The following ADAMTSL3 variants were observed in gnomAD, a reference collection of about 807,000 sequenced individuals.
ADAMTSL3 encodes the protein ADAMTS-like protein 3.
A neutral mutation model predicts 201.7 loss-of-function variants in ADAMTSL3; 128 were observed. The ratio of observed to expected loss-of-function variants is 0.63; its 90% CI spans 0.55 to 0.73. The LOEUF is 0.73. Among genes scored for constraint, ADAMTSL3 ranks in the 30% least tolerant of loss-of-function variants. The probability of loss-of-function intolerance (pLI) is 0.00; values close to 1 mark genes in which losing one functional copy is unlikely to be tolerated. For missense variants in ADAMTSL3, 1,990 were observed against 2,119.6 expected (o/e 0.94, Z 1.20); for synonymous variants, 738 against 748.4 (o/e 0.99, Z 0.23).
intron 23 of ADAMTSL3, among the ~76,000 whole-genome samples, chr15:83,992,560 G>T (rs754088923): frequency 2.6e-5 from 4 of 152,200 alleles, no homozygotes; most frequent in Non-Finnish European, 4.4e-5. Flanking sequence ...CCCTATACCT[G>T]CAGAGGATTC....
chr15:83,663,390 G>A (rs901506406), intron 2 of ADAMTSL3, among the ~76,000 whole-genome samples: 1 of 152,166 alleles, frequency 6.6e-6, no homozygotes, highest in Non-Finnish European at 1.5e-5. Flanking sequence ...AATGGCATAA[G>A]TGGCATTATG....
At chr15:83,666,984 A>G (rs560766304) in intron 2 of ADAMTSL3, among the ~76,000 whole-genome samples, 33 of 152,168 alleles carry the variant, frequency 2.2e-4, no homozygotes, top group African/African-American at 6.7e-4. Context: ...TGTTGCAAAT[A>G]ATTTTCCCAT....
At chr15:83,746,533 C>G (rs2062550623) in intron 3 of ADAMTSL3, among the ~76,000 whole-genome samples, 2 of 152,062 alleles carry the variant, frequency 1.3e-5, no homozygotes, top group Admixed American at 1.3e-4. Flanking sequence ...ATCACCAGCT[C>G]TTGAATGACA....
chr15:83,958,630 A>T (rs929159836), intron 19 of ADAMTSL3, among the ~76,000 whole-genome samples: 1 of 152,242 alleles, frequency 6.6e-6, no homozygotes, highest in African/African-American at 2.4e-5. Context: ...ATACAGTAAG[A>T]TAAAAGTATC....
At chr15:83,855,605 A>G (rs990641087) in intron 7 of ADAMTSL3, among the ~76,000 whole-genome samples, 1 of 152,134 alleles carries the variant, frequency 6.6e-6, no homozygotes, top group African/African-American at 2.4e-5. Flanking sequence ...TGTTGTTTTC[A>G]AGGTTACCAT....
chr15:83,684,108 A>C (rs185509887), intron 2 of ADAMTSL3, among the ~76,000 whole-genome samples: 1 of 152,318 alleles, frequency 6.6e-6, no homozygotes, highest in East Asian at 1.9e-4. Flanking sequence ...CAAGGATAAC[A>C]TTAATTTATC....
chr15:84,004,494 G>A (rs2067855886), intron 23 of ADAMTSL3, among the ~76,000 whole-genome samples: 1 of 152,192 alleles, frequency 6.6e-6, no homozygotes, highest in African/African-American at 2.4e-5. Flanking sequence ...AGAACCAGGA[G>A]TAAACCAGGA....
chr15:83,745,244 C>T (rs994292015), intron 3 of ADAMTSL3, among the ~76,000 whole-genome samples: 2 of 152,140 alleles, frequency 1.3e-5, no homozygotes, highest in African/African-American at 2.4e-5. Context: ...ACACTTTCGT[C>T]GGCAATAAAA....
chr15:83,847,935 A>G (rs1003207623), intron 7 of ADAMTSL3, among the ~76,000 whole-genome samples: 4 of 151,612 alleles, frequency 2.6e-5, no homozygotes, highest in Admixed American at 2.0e-4. Context: ...TAAAAATAAA[A>G]CCTATTTTTT....
At chr15:83,890,395 G>A in intron 11 of ADAMTSL3, 148 bp downstream of exon 11, 1 of 1,015,264 alleles carries the variant, frequency 9.8e-7, no homozygotes. Flanking sequence ...TGTAACTATG[G>A]TGCATAGGAA....
chr15:83,986,014 A>G (rs2067468362), intron 21 of ADAMTSL3, among the ~76,000 whole-genome samples: 1 of 152,028 alleles, frequency 6.6e-6, no homozygotes, highest in Non-Finnish European at 1.5e-5. Context: ...AATTACTGGT[A>G]CACTTCAATA....
rs772601636 is a variant in ADAMTSL3, at chr15:83,845,979, G to A, written c.727+7764G>A. Among the ~76,000 whole-genome samples the A allele has an allele frequency of 7.8e-4, 118 of 152,236 alleles. 1 individual carries two copies. The highest frequency in any genetic ancestry group is 2.5e-3 in the Admixed American group (38 of 15,288). The stretch of plus-strand genomic sequence containing the variant: ...CACCCAGTATGTTTCCAGTAAAGGT[G>A]TGTCGACTTGACCTACACAGAATTG... On this transcript the variant is annotated intron_variant, in intron 7 of 29. Transcript: ENST00000286744.
At chr15:83,865,121 A>G (rs2064947377) in intron 8 of ADAMTSL3, among the ~76,000 whole-genome samples, 1 of 152,196 alleles carries the variant, frequency 6.6e-6, no homozygotes, top group Admixed American at 6.5e-5. Flanking sequence ...AGAGGATACA[A>G]ACAAGTGGAA....
intron 3 of ADAMTSL3, among the ~76,000 whole-genome samples, chr15:83,748,630 A>G (rs2062587033): frequency 7.0e-6 from 1 of 142,292 alleles, no homozygotes. Flanking sequence ...AGCCTGGGTG[A>G]CAGAGCAAGA....
At chr15:83,700,007 G>C (rs1361680963) in intron 2 of ADAMTSL3, among the ~76,000 whole-genome samples, 1 of 152,056 alleles carries the variant, frequency 6.6e-6, no homozygotes, top group Non-Finnish European at 1.5e-5. Flanking sequence ...TCCACCTCTA[G>C]GATGTAACCT....
chr15:83,698,120 A>G (rs1362076725), intron 2 of ADAMTSL3, among the ~76,000 whole-genome samples: 1 of 152,176 alleles, frequency 6.6e-6, no homozygotes, highest in East Asian at 1.9e-4. Context: ...TATTGCTCAC[A>G]AAATTACAAG....
intron 7 of ADAMTSL3, among the ~76,000 whole-genome samples, chr15:83,841,031 T>A (rs549122156): frequency 2.0e-5 from 3 of 152,208 alleles, no homozygotes; most frequent in Non-Finnish European, 4.4e-5. Context: ...TGAAAAGCGT[T>A]TTTTTAAATA....
chr15:84,026,560 A>G (rs1266419528), intron 27 of ADAMTSL3, among the ~76,000 whole-genome samples: 1 of 152,194 alleles, frequency 6.6e-6, no homozygotes, highest in Non-Finnish European at 1.5e-5. Flanking sequence ...CCAAAAAGCT[A>G]CAGTAATCAA....
chr15:83,666,802 C>G (rs548057974), intron 2 of ADAMTSL3, among the ~76,000 whole-genome samples: 1 of 150,630 alleles, frequency 6.6e-6, no homozygotes, highest in Non-Finnish European at 1.5e-5. Context: ...CTGATTGTGC[C>G]ACTGCACTCC....
Sources: gnomAD v4.1 joint callset for allele counts (sites outside exome capture counted in the v4.1 genomes callset) on GRCh38, gnomAD v4.1.1 for gene constraint, MANE v1.5 for transcripts, NCBI Gene and HGNC (gene_info 2026-07-23, HGNC 2026-07-21) for gene names.